The following KANSL3 variants were observed in gnomAD, a reference collection of about 807,000 sequenced individuals.
KANSL3 encodes the protein KAT8 regulatory NSL complex subunit 3.
In KANSL3, 16 loss-of-function variants were observed where a neutral mutation model predicts 89.2. The observed-to-expected ratio is 0.18, with a 90% CI of 0.12 to 0.27. KANSL3 has a LOEUF of 0.27. KANSL3 is among the 10% of genes least tolerant of loss of function. The pLI is 1.00. For missense variants in KANSL3, 879 were observed against 1,110.6 expected (o/e 0.79, Z 2.96); for synonymous variants, 385 against 419.7 (o/e 0.92, Z 1.01).
rs1283193192 is a variant in KANSL3, at chr2:96,602,212, T to C, written c.2386A>G (p.Lys796Glu). The change falls in exon 19 of 21, where the codon AAG becomes GAG. Residue 796 changes from lysine (K) to glutamate (E), a missense_variant. Physicochemically the swap from Lys to Glu is moderately conservative, Grantham distance 56 (BLOSUM62 1). Coordinates refer to ENST00000431828, the MANE Select transcript of KANSL3 (RefSeq NM_001115016.3). ...AGCAGCTGGTGGATGGCTGTGGGCT[T>C]CCCACCAGGAGTGGCACCCAAGGAG... ...LSSLGATPGG[K>E]PTAIHQLLTN... 1 of 1,609,238 alleles carries C rather than the reference T, an allele frequency of 6.2e-7. No homozygotes were observed. The highest frequency in any genetic ancestry group is 8.5e-7 in the Non-Finnish European group (1 of 1,178,036).
At position 96,601,642 on chromosome 2, in the gene KANSL3, C is replaced by T. The variant is rs199806412; in HGVS notation, c.2616+1G>A. On this transcript the variant is annotated splice_donor_variant, in intron 20 of 20. Transcript: ENST00000431828. LOFTEE classifies it high-confidence loss of function. Reference sequence around the variant, plus strand: ...TCCTCAGTCCTTCCTGGCAGACTCACCTGTGAGCTGGAGGGCAGCACCTGG... The same window carrying T: ...TCCTCAGTCCTTCCTGGCAGACTCATCTGTGAGCTGGAGGGCAGCACCTGG... 4 of 1,613,448 alleles carry T rather than the reference C, an allele frequency of 2.5e-6. No homozygotes were observed. Among genetic ancestry groups the T allele is most frequent in the Non-Finnish European group, 3.4e-6 (4 of 1,179,694 alleles).
chr2:96,625,038 C>T (rs574078302), intron 3 of KANSL3, among the ~76,000 whole-genome samples: 31 of 151,926 alleles, frequency 2.0e-4, no homozygotes, highest in Non-Finnish European at 3.4e-4. Flanking sequence ...GGCGAAACCC[C>T]GTCTCTACTA....
chr2:96,624,628 T>G (rs893940914), intron 3 of KANSL3, among the ~76,000 whole-genome samples: 1 of 152,100 alleles, frequency 6.6e-6, no homozygotes, highest in Non-Finnish European at 1.5e-5. Flanking sequence ...TTCAAGTGAT[T>G]CTCCTGCCTC....
chr2:96,598,023 T>TTTG (rs1350852095), intron 20 of KANSL3: 16 of 814,212 alleles, frequency 2.0e-5, no homozygotes, highest in Non-Finnish European at 2.4e-5. Flanking sequence ...CAATGACCTC[T>TTTG]ACTCTCTTCT....
intron 2 of KANSL3, among the ~76,000 whole-genome samples, chr2:96,634,364 A>G (rs963671609): frequency 2.0e-5 from 3 of 152,226 alleles, no homozygotes; most frequent in Non-Finnish European, 2.9e-5. Flanking sequence ...TCTACTAAAA[A>G]TATTAGCCAG....
chr2:96,612,932 G>A lies in KANSL3; in HGVS notation c.798C>T (p.Ser266=). ...GAATCAGCGGAGAGCCAGGGAGTTT[G>A]CTCTAAAGAGGAAGAATCCCACCCA... is the stretch of plus-strand genomic sequence containing the variant. ...AVGVLSHNKP[S]KLPGSPLILI... Residue 266 remains serine (S), a splice_region_variant and synonymous_variant, in exon 7 of 21, where the codon AGC becomes AGT. Transcript: ENST00000431828. 1 of 1,554,272 alleles carries A rather than the reference G, an allele frequency of 6.4e-7. No individual in the cohort carries two copies. The highest frequency in any genetic ancestry group is 8.7e-7 in the Non-Finnish European group (1 of 1,147,820).
intron 3 of KANSL3, among the ~76,000 whole-genome samples, chr2:96,629,823 A>G (rs569193185): frequency 3.2e-4 from 49 of 152,106 alleles, no homozygotes; most frequent in Admixed American, 5.9e-4. Context: ...CTCTATTATA[A>G]AATAAGGGTT....
intron 3 of KANSL3, chr2:96,627,899 G>A (rs575020833): frequency 7.8e-6 from 10 of 1,288,314 alleles, no homozygotes; most frequent in South Asian, 7.4e-5. Flanking sequence ...TAATAAAATC[G>A]GCTATGTACA....
chr2:96,622,348 G>T (rs541731914), intron 3 of KANSL3, among the ~76,000 whole-genome samples: 1 of 151,584 alleles, frequency 6.6e-6, no homozygotes, highest in Non-Finnish European at 1.5e-5. Context: ...CTTGAGTCTA[G>T]GATATCAAGG....
chr2:96,595,594 C>T lies in KANSL3; in HGVS notation c.*17G>A. On this transcript the variant is annotated 3_prime_UTR_variant, in exon 21 of 21. Coordinates refer to ENST00000431828, the MANE Select transcript of KANSL3 (RefSeq NM_001115016.3). ...GCCATCACCAACTTGGTAAGGAGGA[C>T]ATATCACACAGCATCTTCAGGGTGC... 1 of 1,613,626 alleles carries T rather than the reference C, an allele frequency of 6.2e-7. No homozygotes were observed. Among genetic ancestry groups the T allele is most frequent in the Non-Finnish European group, 8.5e-7 (1 of 1,179,724 alleles).
intron 20 of KANSL3, chr2:96,600,527 C>T: frequency 1.0e-6 from 1 of 985,374 alleles, no homozygotes; most frequent in Non-Finnish European, 1.2e-6. Flanking sequence ...GACAGAAGAG[C>T]TTTTAGAATG....
In KANSL3 at chr2:96,605,351, A is replaced by G. The variant is rs2067817757; in HGVS notation, c.1902T>C (p.Pro634=). The G allele has an allele frequency of 6.2e-7, 1 of 1,612,878 alleles. No homozygotes were observed. Among genetic ancestry groups the G allele is most frequent in the Non-Finnish European group, 8.5e-7 (1 of 1,179,514 alleles). ...GAGCACTTCCTTGGGAAGGAGCACA[A>G]GGCCCTCCAGCTGTGTCCCCTTGGG... ...LISQGDTAGG[P]CAPSQGSAPE... The change falls in exon 15 of 21, where the codon CCT becomes CCC. Residue 634 remains proline (P), a synonymous_variant. Transcript: ENST00000431828.
rs78375587 is a variant in KANSL3, at chr2:96,616,127, T to C, written c.664-2508A>G. On this transcript the variant is annotated intron_variant, in intron 5 of 20. Coordinates refer to ENST00000431828, the MANE Select transcript of KANSL3 (RefSeq NM_001115016.3). ...GGCACAGATGGACAAAAGTCAAGGA[T>C]GCAAGTAAGGAAGGAGGAGGATGTA... Among the ~76,000 whole-genome samples, 382 of 152,170 alleles carry C rather than the reference T, an allele frequency of 2.5e-3. 19 individuals are homozygous for C. In the East Asian group the frequency reaches 0.068, roughly 27 times the overall value.
At position 96,593,531 on chromosome 2, in the gene KANSL3, T is replaced by C. The variant is rs1573226640; in HGVS notation, c.*2080A>G. The C allele has an allele frequency of 8.5e-6, 3 of 352,108 alleles. No individual in the cohort carries two copies. The highest frequency in any genetic ancestry group is 5.6e-6 in the Non-Finnish European group (1 of 178,596). The allele number at this position is 352,108 out of a possible 1,614,324, so 21.8% of individuals were successfully genotyped here. Reference sequence around the variant, plus strand: ...CTCTAGGCCTCAGCCACTTCCTCTGTTACCCTGTGCAAGTTGTAGAACAAT... The same window carrying C: ...CTCTAGGCCTCAGCCACTTCCTCTGCTACCCTGTGCAAGTTGTAGAACAAT... On this transcript the variant is annotated 3_prime_UTR_variant, in exon 21 of 21. Transcript: ENST00000431828.
the KANSL3 span, among the ~76,000 whole-genome samples, chr2:96,583,644 A>G: frequency 2.6e-5 from 4 of 152,248 alleles, no homozygotes; most frequent in African/African-American, 4.8e-5. Flanking sequence ...TGCAATGTGT[A>G]TATCCATTTT....
rs754040533 is a variant in KANSL3, at chr2:96,608,953, G to A, written c.1495C>T (p.Arg499Cys). Residue 499 changes from arginine to cysteine, a missense_variant, in exon 13 of 21, where the codon CGC becomes TGC. By Grantham distance (180) the Arg-to-Cys change is radical. Around this residue, in one of 6 missense-constraint regions of KANSL3, gnomAD observed 317 missense variants for 311.2 expected, o/e 1.02. Transcript: ENST00000431828. ...EKKKKPRDVA[R>C]RDLAFEVPER... The stretch of plus-strand genomic sequence containing the variant: ...GGGACTTCAAAGGCCAAGTCTCTGC[G>A]GGCCACATCGCGGGGCTTCTTCTTC... 1.7e-5 allele frequency: 27 copies of A among 1,564,532 alleles called. No individual in the cohort carries two copies. The highest frequency in any genetic ancestry group is 1.7e-4 in the Middle Eastern group (1 of 6,018).
At position 96,612,922 on chromosome 2, in the gene KANSL3, C is replaced by T; in HGVS notation, c.808G>A (p.Gly270Ser). The change falls in exon 7 of 21, where the codon GGC becomes AGC. Residue 270 changes from glycine to serine, a missense_variant. Transcript: ENST00000431828. ...LSHNKPSKLP[G>S]SPLILIASSG... ...GAGGCGATGAGAATCAGCGGAGAGC[C>T]AGGGAGTTTGCTCTAAAGAGGAAGA... is the stretch of plus-strand genomic sequence containing the variant. 6.4e-7 allele frequency: 1 copy of T among 1,560,476 alleles called. No homozygotes were observed. Among genetic ancestry groups the T allele is most frequent in the Non-Finnish European group, 8.7e-7 (1 of 1,152,032 alleles).
intron 4 of KANSL3, 64 bp from the exon 5 acceptor site, chr2:96,619,608 G>A: frequency 6.2e-7 from 1 of 1,605,288 alleles, no homozygotes; most frequent in Non-Finnish European, 8.5e-7. Flanking sequence ...AGGGGGACAA[G>A]TCAGTCAGCC....
intron 17 of KANSL3, 77 bp downstream of exon 17, chr2:96,604,173 T>C (rs1307452582): frequency 1.4e-6 from 2 of 1,476,508 alleles, no homozygotes; most frequent in African/African-American, 1.4e-5. Context: ...GCTCCAGGGA[T>C]GCTTTCCCAG....
Sources: gnomAD v4.1 joint callset for allele counts (sites outside exome capture counted in the v4.1 genomes callset) on GRCh38, gnomAD v4.1.1 for gene constraint, gnomAD v4.1.1 regional missense constraint, MANE v1.5 for transcripts, NCBI Gene and HGNC (gene_info 2026-07-23, HGNC 2026-07-21) for gene names.